The following INTS2 variants were observed in gnomAD, a reference collection of about 807,000 sequenced individuals.
INTS2 encodes KIAA1287.
Under a neutral mutation model 139.6 loss-of-function variants are expected in INTS2, and 57 were observed. The ratio of observed to expected loss-of-function variants is 0.41; its 90% confidence interval spans 0.33 to 0.51. The LOEUF (loss-of-function observed/expected upper bound fraction) is 0.51, where lower values mean the gene tolerates loss of function less well. INTS2 is among the 20% of genes least tolerant of loss of function. INTS2 has a pLI of 0.28. For synonymous variants in INTS2, 473 were observed against 493.4 expected (o/e 0.96, Z 0.55); for missense variants, 1,196 against 1,436.7 (o/e 0.83, Z 2.71).
In INTS2 at chr17:61,921,492, T is replaced by C. The variant is rs138378795; in HGVS notation, c.535+233A>G. 510 of 313,070 alleles carry C rather than the reference T, an allele frequency of 1.6e-3. 10 individuals carry two copies. The East Asian group carries it at 0.017, about 10-fold the overall frequency. The allele number at this position is 313,070 out of a possible 1,614,324, so 19.4% of individuals were successfully genotyped here. ...CATTTTCCAAAATCATTAACGAGCA[T>C]TAAAGTCATTAAATCAAAGATACCA... On this transcript the variant is annotated intron_variant, in intron 4 of 24. Coordinates refer to ENST00000251334, the MANE Select transcript of INTS2 (RefSeq NM_001351695.2).
intron 8 of INTS2, 38 bp downstream of exon 8, chr17:61,907,370 A>G: frequency 6.7e-7 from 1 of 1,496,084 alleles, no homozygotes; most frequent in African/African-American, 1.4e-5. Context: ...ACAAGAAGGT[A>G]AAATGACAAA....
intron 11 of INTS2, among the ~76,000 whole-genome samples, chr17:61,895,841 A>C (rs1282909914): frequency 6.6e-6 from 1 of 152,202 alleles, no homozygotes; most frequent in Non-Finnish European, 1.5e-5. Context: ...TTCAAATGTA[A>C]AACATGAAAC....
intron 12 of INTS2, among the ~76,000 whole-genome samples, chr17:61,894,621 G>A (rs141825893): frequency 0.16 from 24,652 of 152,164 alleles, 2,462 homozygotes; most frequent in East Asian, 0.53. Flanking sequence ...GGAGGCTGAG[G>A]TGGGTGGATC....
At chr17:61,921,923 C>A in intron 3 of INTS2, 96 bp from the exon 4 acceptor site, 1 of 647,354 alleles carries the variant, frequency 1.5e-6, no homozygotes, top group Non-Finnish European at 2.6e-6. Context: ...GATTATGTCT[C>A]TTAATGTATC....
chr17:61,885,130 G>A (rs1423585907), intron 15 of INTS2, 125 bp from the exon 16 acceptor site: 3 of 641,340 alleles, frequency 4.7e-6, no homozygotes, highest in East Asian at 5.5e-5. Context: ...TGCGAATATA[G>A]CATATAAAAG....
At position 61,868,975 on chromosome 17, in the gene INTS2, AAATATAGGAACTATAAT is replaced by A; in HGVS notation, c.3244+42_3244+58del. Reference sequence around the variant, plus strand: ...AACATATTGCATCACTAAATGCAGAAAATATAGGAACTATAATAATTTATGTCAGATGTTTGTTGATG... The same window carrying A: ...AACATATTGCATCACTAAATGCAGAAAATTTATGTCAGATGTTTGTTGATG... On this transcript the variant is annotated intron_variant, in intron 23 of 24. Coordinates refer to ENST00000251334, the MANE Select transcript of INTS2 (RefSeq NM_001351695.2). This position sits in a 1 kb window ranked among gnomAD's most constrained non-coding sequence, Gnocchi z 4.7. 1 of 1,016,708 alleles carries A rather than the reference AAATATAGGAACTATAAT, an allele frequency of 9.8e-7. No individual in the cohort carries two copies. Among genetic ancestry groups the A allele is most frequent in the Non-Finnish European group, 1.5e-6 (1 of 653,188 alleles). 63.0% of individuals were successfully genotyped at this position (1,016,708 alleles called of 1,614,324 possible). A position where few individuals can be genotyped will look rare whatever the true frequency, so the allele number is the denominator to read the frequency against.
Position 61,907,580 on chromosome 17 carries a change from G to C in INTS2, c.1009C>G (p.Leu337Val), listed in dbSNP as rs369992812. ...VLWQMRRQLL[L>V]ELMGILPTVR... is the part of the protein sequence containing the mutation. ...GTGGGAAGAATGCCCATCAACTCCA[G>C]AAGAAGCTGCCTTCTCATCTGCCAA... Residue 337 changes from leucine (L) to valine (V), a missense_variant, in exon 8 of 25, where the codon CTG (leucine) becomes GTG (valine). Leu to Val is a conservative substitution (Grantham distance 32, BLOSUM62 1). Coordinates refer to ENST00000251334, the MANE Select transcript of INTS2 (RefSeq NM_001351695.2). 6.3e-6 allele frequency: 10 copies of C among 1,592,940 alleles called. No individual in the cohort carries two copies. Among genetic ancestry groups the C allele is most frequent in the African/African-American group, 1.3e-5 (1 of 74,686 alleles).
intron 15 of INTS2, among the ~76,000 whole-genome samples, chr17:61,889,096 T>A (rs2079262445): frequency 6.6e-6 from 1 of 151,240 alleles, no homozygotes; most frequent in East Asian, 1.9e-4. Flanking sequence ...TTCTACTTTT[T>A]TTTTTTTTTG....
At chr17:61,913,997 A>G (rs1324341468) in intron 5 of INTS2, among the ~76,000 whole-genome samples, 8 of 152,050 alleles carry the variant, frequency 5.3e-5, no homozygotes. Flanking sequence ...AATAGAAAAC[A>G]AATAACAAGA....
chr17:61,926,803 CTT>C, intron 1 of INTS2, 141 bp from the exon 2 acceptor site: 1 of 708,492 alleles, frequency 1.4e-6, no homozygotes, highest in Non-Finnish European at 2.5e-6. Flanking sequence ...CAAGACAAGG[CTT>C]CTCTGTCTCC....
chr17:61,912,797 G>C (rs113505171), intron 5 of INTS2, among the ~76,000 whole-genome samples: 14 of 152,092 alleles, frequency 9.2e-5, no homozygotes, highest in African/African-American at 2.9e-4. Context: ...AGTAACCAGG[G>C]CCGGGTGCAG....
rs532062640 is a variant in INTS2 at position 61,865,608 on chromosome 17, C to G, written c.*1949G>C. On this transcript the variant is annotated 3_prime_UTR_variant, in exon 25 of 25. Coordinates refer to ENST00000251334, the MANE Select transcript of INTS2 (RefSeq NM_001351695.2). This position sits in a 1 kb window ranked among gnomAD's most constrained non-coding sequence, Gnocchi z 4.8. ...TTATGACCAGTCTTTGAATATTGAT[C>G]CAGGAATGTGCACTGCATTTAATTA... The G allele has an allele frequency of 6.6e-6, 1 of 152,464 alleles. No individual in the cohort carries two copies. Among genetic ancestry groups the G allele is most frequent in the African/African-American group, 2.4e-5 (1 of 41,450 alleles). 9.4% of individuals were successfully genotyped at this position (152,464 alleles called of 1,614,324 possible).
Position 61,879,119 on chromosome 17 carries a change from T to C in INTS2, c.2255-1031A>G, listed in dbSNP as rs1488419165. On this transcript the variant is annotated intron_variant, in intron 17 of 24. Transcript: ENST00000251334. ...TTTTTTTCCCTCTTGCCTTTACCAA[T>C]CAAGAGCCCAGGATGGTTTTGAATT... Among the ~76,000 whole-genome samples the C allele has an allele frequency of 6.0e-5, 7 of 115,810 alleles. No individual in the cohort carries two copies. In the Admixed American group the frequency reaches 8.0e-4, roughly 13 times the overall value. 76.0% of individuals were successfully genotyped at this position (115,810 alleles called of 152,430 possible).
intron 1 of INTS2, chr17:61,927,380 G>A (rs2079727272): frequency 6.2e-6 from 1 of 161,134 alleles, no homozygotes; most frequent in South Asian, 1.6e-4. Flanking sequence ...AAAAGGCAGT[G>A]AGCTGGCAGC....
In INTS2 at chr17:61,889,881, C is replaced by A. The variant is rs767894401; in HGVS notation, c.1889G>T (p.Arg630Leu). The part of the protein sequence containing the change: ...FQGVIGGDNI[R>L]LNQRFSITAQ... ...TGTGATACTGAAACGCTGATTAAGG[C>A]GGATGTTGTCACCCTGGAGGTAATA... The change falls in exon 15 of 25, where the codon CGC becomes CTC. Residue 630 changes from arginine to leucine, a missense_variant. Coordinates refer to ENST00000251334, the MANE Select transcript of INTS2 (RefSeq NM_001351695.2). The A allele has an allele frequency of 6.2e-7, 1 of 1,605,020 alleles. No individual in the cohort carries two copies.
At position 61,867,372 on chromosome 17, in the gene INTS2, TG is replaced by T; in HGVS notation, c.*184del. ...TATCAGCAAAGTAGATCCAAAGATG[TG>T]CCAATCAGAAACAAGCAAGCATAAT... On this transcript the variant is annotated 3_prime_UTR_variant, in exon 25 of 25. Coordinates refer to ENST00000251334, the MANE Select transcript of INTS2 (RefSeq NM_001351695.2). This position sits in a 1 kb window ranked among gnomAD's most constrained non-coding sequence, Gnocchi z 5.6. 2.5e-6 allele frequency: 1 copy of T among 404,510 alleles called. No individual in the cohort carries two copies. The highest frequency in any genetic ancestry group is 4.1e-5 in the Admixed American group (1 of 24,602). The allele number at this position is 404,510 out of a possible 1,614,324, so 25.1% of individuals were successfully genotyped here. A position where few individuals can be genotyped will look rare whatever the true frequency, so the allele number is the denominator to read the frequency against.
In INTS2 at chr17:61,925,036, C is replaced by A; in HGVS notation, c.357G>T (p.Thr119=). 1 of 1,613,722 alleles carries A rather than the reference C, an allele frequency of 6.2e-7. No homozygotes were observed. The highest frequency in any genetic ancestry group is 1.6e-4 in the Middle Eastern group (1 of 6,062). Residue 119 remains threonine, a synonymous_variant, in exon 3 of 25, where the codon ACG becomes ACT. Coordinates refer to ENST00000251334, the MANE Select transcript of INTS2 (RefSeq NM_001351695.2). The stretch of plus-strand genomic sequence containing the variant: ...GTGAATCACTGTGTTCAAACTCTAA[C>A]GTCAGTCCATGCTGAAGCTGTGATA... The part of the protein sequence containing the change: ...ILVSQLQHGL[T]LEFEHSDSPR...
At chr17:61,913,865 C>A (rs2079551396) in intron 5 of INTS2, among the ~76,000 whole-genome samples, 1 of 151,924 alleles carries the variant, frequency 6.6e-6, no homozygotes, top group Non-Finnish European at 1.5e-5. Context: ...TATTTTTAGT[C>A]TTTAAAATAT....
At chr17:61,926,845 GA>G (rs1422507136) in intron 1 of INTS2, 183 bp from the exon 2 acceptor site, 1 of 632,024 alleles carries the variant, frequency 1.6e-6, no homozygotes, top group Admixed American at 2.7e-5. Flanking sequence ...TGGGAAATGG[GA>G]AAGAAAACAG....
Sources: gnomAD v4.1 joint callset for allele counts (sites outside exome capture counted in the v4.1 genomes callset) on GRCh38, gnomAD v4.1.1 for gene constraint, Gnocchi (gnomAD v3.1) non-coding constraint, MANE v1.5 for transcripts, NCBI Gene and HGNC (gene_info 2026-07-23, HGNC 2026-07-21) for gene names.